The following JARID2 variants were observed in gnomAD, a reference collection of about 807,000 sequenced individuals.
The protein encoded by JARID2 is jumonji and AT-rich interaction domain containing 2, also known as protein Jumonji.
In JARID2, 21 loss-of-function variants were observed where a neutral mutation model predicts 125.6. The observed-to-expected ratio is 0.17, with a 90% CI of 0.12 to 0.24. JARID2 has a LOEUF of 0.24. Among genes scored for constraint, JARID2 ranks in the 10% least tolerant of loss-of-function variants. JARID2 has a pLI of 1.00. For missense variants in JARID2, 1,303 were observed against 1,639.6 expected (o/e 0.79, Z 3.55); for synonymous variants, 736 against 661.6 (o/e 1.11, Z -1.73).
chr6:15,248,862 G>A, intron 1 of JARID2: 4 of 976,778 alleles, frequency 4.1e-6, no homozygotes, highest in Non-Finnish European at 4.9e-6. Context: ...GCTGGGCGGG[G>A]GCGGGGGCTG....
chr6:15,397,182 C>T (rs910661571), intron 2 of JARID2, among the ~76,000 whole-genome samples: 6 of 152,176 alleles, frequency 3.9e-5, no homozygotes, highest in African/African-American at 1.4e-4. Context: ...AGTGCCCACA[C>T]TTTAATGATG....
In JARID2 at chr6:15,513,392, G is replaced by C; in HGVS notation, c.3420G>C (p.Gln1140His). ...LQLETSERRC[Q>H]ICQHLCYLSM... Reference sequence around the variant, plus strand: ...TGGAGACGTCAGAGAGGAGGTGTCAGATCTGCCAGCACCTGTGCTACCTGT... The same window carrying C: ...TGGAGACGTCAGAGAGGAGGTGTCACATCTGCCAGCACCTGTGCTACCTGT... Residue 1140 changes from glutamine (Q) to histidine (H), a missense_variant, in exon 16 of 18, where the codon CAG (glutamine) becomes CAC (histidine). Physicochemically the swap from Gln to His is conservative, Grantham distance 24. Coordinates refer to ENST00000341776, the MANE Select transcript of JARID2 (RefSeq NM_004973.4). The C allele has an allele frequency of 6.2e-7, 1 of 1,611,620 alleles. No individual in the cohort carries two copies.
At chr6:15,499,821 T>C (rs1230943945) in intron 7 of JARID2, among the ~76,000 whole-genome samples, 1 of 152,156 alleles carries the variant, frequency 6.6e-6, no homozygotes. Context: ...TTCAGGCTGC[T>C]GTGTCCCCAT....
At chr6:15,368,707 A>G (rs1461842805) in intron 1 of JARID2, 1 of 500,328 alleles carries the variant, frequency 2.0e-6, no homozygotes, top group Admixed American at 2.0e-5. Context: ...ATCACTGAAG[A>G]GGAGTCAAAG....
At chr6:15,451,296 G>A (rs952405239) in intron 3 of JARID2, among the ~76,000 whole-genome samples, 2 of 152,246 alleles carry the variant, frequency 1.3e-5, no homozygotes, top group Non-Finnish European at 2.9e-5. Context: ...GCATAGGATT[G>A]TAATGGGAAA....
Position 15,312,300 on chromosome 6 carries a change from G to T in JARID2, c.46-61817G>T, listed in dbSNP as rs760921289. On this transcript the variant is annotated intron_variant, in intron 1 of 17. Coordinates refer to ENST00000341776, the MANE Select transcript of JARID2 (RefSeq NM_004973.4). ...GAACTCCTGACCTCGTGATCCACCC[G>T]CCTCGGCCTCCCAAAGTGCTGGGGT... 3.9e-5 allele frequency among the ~76,000 whole-genome samples: 6 copies of T among 152,084 alleles called. No homozygotes were observed. The South Asian group carries it at 1.2e-3, about 32-fold the overall frequency.
intron 5 of JARID2, among the ~76,000 whole-genome samples, chr6:15,477,791 C>A (rs2127698597): frequency 6.6e-6 from 1 of 152,210 alleles, no homozygotes; most frequent in Middle Eastern, 3.4e-3. Flanking sequence ...TGCTGTGTTG[C>A]ATATTATCAT....
rs150710564 is a variant in JARID2 at position 15,453,259 on chromosome 6, T to G, written c.493+1084T>G. On this transcript the variant is annotated intron_variant, in intron 4 of 17. Coordinates refer to ENST00000341776, the MANE Select transcript of JARID2 (RefSeq NM_004973.4). The stretch of plus-strand genomic sequence containing the variant: ...CCAGTTCAGAATTAGGCGATGCCAT[T>G]AATTGTCTGTAGTCTGCTTAATCTG... 3.9e-5 allele frequency among the ~76,000 whole-genome samples: 6 copies of G among 152,388 alleles called. No homozygotes were observed. The East Asian group carries it at 1.2e-3, about 29-fold the overall frequency.
At chr6:15,445,899 T>A (rs1767653412) in intron 3 of JARID2, among the ~76,000 whole-genome samples, 1 of 152,176 alleles carries the variant, frequency 6.6e-6, no homozygotes, top group African/African-American at 2.4e-5. Flanking sequence ...AATATCAGCC[T>A]CTATATTCAA....
chr6:15,517,887 T>C (rs1356957311), intron 17 of JARID2, among the ~76,000 whole-genome samples: 1 of 152,210 alleles, frequency 6.6e-6, no homozygotes, highest in Non-Finnish European at 1.5e-5. Context: ...ATGAGGCTGG[T>C]TACGAGGAAG....
chr6:15,253,952 G>A (rs1444691228), intron 1 of JARID2, among the ~76,000 whole-genome samples: 2 of 152,160 alleles, frequency 1.3e-5, no homozygotes, highest in Admixed American at 6.5e-5. Context: ...GAGTTCAGAG[G>A]ACATAGAAGT....
intron 1 of JARID2, among the ~76,000 whole-genome samples, chr6:15,322,615 T>C (rs1455011248): frequency 6.6e-6 from 1 of 152,224 alleles, no homozygotes; most frequent in Admixed American, 6.5e-5. Flanking sequence ...TAAACCCAAA[T>C]ACCTGGGCCA....
chr6:15,281,816 T>C (rs1760760476), intron 1 of JARID2, among the ~76,000 whole-genome samples: 1 of 152,348 alleles, frequency 6.6e-6, no homozygotes, highest in African/African-American at 2.4e-5. Context: ...CTTTAGGTTG[T>C]TCATGCTGTT....
chr6:15,370,351 T>TTA (rs1764120312), intron 1 of JARID2, among the ~76,000 whole-genome samples: 1 of 119,170 alleles, frequency 8.4e-6, no homozygotes, highest in South Asian at 2.6e-4. Context: ...TTTTTTTTTT[T>TTA]TAAAGACTTG....
chr6:15,520,026 T>C, intron 17 of JARID2, 43 bp from the exon 18 acceptor site: 4 of 1,553,314 alleles, frequency 2.6e-6, no homozygotes, highest in Non-Finnish European at 3.5e-6. Context: ...GAGCTCTTGT[T>C]AATACGGTAT....
At chr6:15,520,032 G>GT in intron 17 of JARID2, 37 bp from the exon 18 acceptor site, 1 of 1,566,522 alleles carries the variant, frequency 6.4e-7, no homozygotes, top group Admixed American at 1.8e-5. Flanking sequence ...TTGTTAATAC[G>GT]GTATGTTAAC....
chr6:15,302,393 C>T (rs1761662353), intron 1 of JARID2, among the ~76,000 whole-genome samples: 1 of 151,322 alleles, frequency 6.6e-6, no homozygotes, highest in Non-Finnish European at 1.5e-5. Flanking sequence ...CCATCCTGGG[C>T]GACAGAGCGA....
intron 6 of JARID2, among the ~76,000 whole-genome samples, chr6:15,489,487 G>A (rs1770044452): frequency 6.6e-6 from 1 of 152,216 alleles, no homozygotes; most frequent in Non-Finnish European, 1.5e-5. Context: ...TGTCATCTCA[G>A]CTGGTCAGAG....
In JARID2 at chr6:15,304,303, TCCCCCCCCC is replaced by T. The variant is rs61333394; in HGVS notation, c.45+57726_45+57734del. Among the ~76,000 whole-genome samples the T allele has an allele frequency of 4.9e-4, 13 of 26,750 alleles. 1 individual carries two copies. The highest frequency in any genetic ancestry group is 1.4e-3 in the Admixed American group (2 of 1,420). The allele number at this position is 26,750 out of a possible 152,430, so 17.5% of individuals were successfully genotyped here. On this transcript the variant is annotated intron_variant, in intron 1 of 17. Coordinates refer to ENST00000341776, the MANE Select transcript of JARID2 (RefSeq NM_004973.4). ...GTAGAGAATGGACATAATTTGCTGA[TCCCCCCCCC>T]CCCCCCGCCCACCCACTGTAACTTG...
Sources: gnomAD v4.1 joint callset for allele counts (sites outside exome capture counted in the v4.1 genomes callset) on GRCh38, gnomAD v4.1.1 for gene constraint, MANE v1.5 for transcripts, NCBI Gene and HGNC (gene_info 2026-07-23, HGNC 2026-07-21) for gene names.